UNC13B: variants seen among roughly 807,000 people sequenced by gnomAD.
The protein encoded by UNC13B is unc-13 homolog B.
A neutral mutation model predicts 211.0 loss-of-function variants in UNC13B; 144 were observed. That is an observed-to-expected ratio of 0.68 (90% CI 0.60 to 0.78). The LOEUF (loss-of-function observed/expected upper bound fraction) is 0.78. Ranked by LOEUF, UNC13B falls within the 30% of genes least tolerant of loss-of-function variation. The pLI is 0.00. For missense variants in UNC13B, 1,777 were observed against 2,002.0 expected (o/e 0.89, Z 2.14); for synonymous variants, 709 against 725.8 (o/e 0.98, Z 0.37).
At chr9:35,261,464 A>G (rs189343562) in intron 7 of UNC13B, among the ~76,000 whole-genome samples, 3 of 152,040 alleles carry the variant, frequency 2.0e-5, no homozygotes, top group Non-Finnish European at 4.4e-5. Flanking sequence ...TTTATATTTT[A>G]AAAAATTTTA....
intron 26 of UNC13B, 61 bp from the exon 27 acceptor site, chr9:35,396,415 A>G: frequency 3.1e-6 from 5 of 1,604,106 alleles, no homozygotes; most frequent in Non-Finnish European, 4.3e-6. Flanking sequence ...TGCCTTGGGA[A>G]GGCTCAGGAA....
At chr9:35,223,007 T>A (rs1824645451) in intron 1 of UNC13B, among the ~76,000 whole-genome samples, 1 of 152,234 alleles carries the variant, frequency 6.6e-6, no homozygotes, top group African/African-American at 2.4e-5. Flanking sequence ...GTTCCATCCA[T>A]GTTGCTGCAA....
At chr9:35,220,411 A>T (rs980676456) in intron 1 of UNC13B, among the ~76,000 whole-genome samples, 5 of 151,048 alleles carry the variant, frequency 3.3e-5, no homozygotes, top group African/African-American at 1.2e-4. Context: ...TATACCCATT[A>T]ATCATCCCCA....
chr9:35,183,182 T>C lies in UNC13B; in HGVS notation c.22+20877T>C, dbSNP rs867060101. 3.5e-3 allele frequency among the ~76,000 whole-genome samples: 276 copies of C among 78,784 alleles called. 1 individual carries two copies. The highest frequency in any genetic ancestry group is 0.01 in the African/African-American group (198 of 19,752). The allele number at this position is 78,784 out of a possible 152,430, so 51.7% of individuals were successfully genotyped here. On this transcript the variant is annotated intron_variant, in intron 1 of 39. Transcript: ENST00000635942. Reference sequence around the variant, plus strand: ...CCCAGATGGGGCGGCCGGGCAGAGGTGCTCCTCACCTCCCAGACGATGGGC... The same window carrying C: ...CCCAGATGGGGCGGCCGGGCAGAGGCGCTCCTCACCTCCCAGACGATGGGC...
At chr9:35,350,443 T>A (rs1832645334) in intron 11 of UNC13B, among the ~76,000 whole-genome samples, 1 of 152,152 alleles carries the variant, frequency 6.6e-6, no homozygotes. Context: ...GACAATCACT[T>A]ATTGTGGTGC....
At chr9:35,380,715 AACC>A in intron 18 of UNC13B, 76 bp downstream of exon 18, 2 of 1,577,636 alleles carry the variant, frequency 1.3e-6, no homozygotes, top group Non-Finnish European at 1.7e-6. Context: ...CTTCTACCAA[AACC>A]ACCATCTGTC....
Position 35,184,739 on chromosome 9 carries a change from CGAAAGAAA to C in UNC13B, c.22+22448_22+22455del, listed in dbSNP as rs36190549. The stretch of plus-strand genomic sequence containing the variant: ...AAGAAAGAAAGGGGAGAGAGGGAGA[CGAAAGAAA>C]GAAAGAAAGAAAGGAAGGAAGGAAG... On this transcript the variant is annotated intron_variant, in intron 1 of 39. Transcript: ENST00000635942. Among the ~76,000 whole-genome samples the C allele has an allele frequency of 1.5e-3, 144 of 94,536 alleles. 2 individuals carry two copies. The highest frequency in any genetic ancestry group is 3.8e-3 in the South Asian group (8 of 2,128). The allele number at this position is 94,536 out of a possible 152,430, so 62.0% of individuals were successfully genotyped here.
intron 11 of UNC13B, among the ~76,000 whole-genome samples, chr9:35,339,022 C>G (rs887432562): frequency 1.3e-5 from 2 of 152,152 alleles, no homozygotes; most frequent in African/African-American, 4.8e-5. Flanking sequence ...CATTCGGCTC[C>G]CCTTTAGAAC....
Position 35,305,965 on chromosome 9 carries a change from AG to A in UNC13B, c.6564del (p.Leu2189TyrfsTer53). ...TACCAAGAGCCAAATCTCAGGCAGA[AG>A]GGCTATTCACACTTCCTTCATTTTT... ...TLPRAKSQAEGLFTLPSFFST... is the reference protein window; with the variant it reads ...TLPRAKSQAEXLFTLPSFFST... On this transcript the variant is annotated frameshift_variant, in exon 9 of 40. Transcript: ENST00000635942. LOFTEE classifies it high-confidence loss of function. 1 of 399,042 alleles carries A rather than the reference AG, an allele frequency of 2.5e-6. No individual in the cohort carries two copies. The highest frequency in any genetic ancestry group is 3.6e-5 in the East Asian group (1 of 28,074). The allele number at this position is 399,042 out of a possible 1,614,324, so 24.7% of individuals were successfully genotyped here.
At chr9:35,190,098 C>T (rs185802210) in intron 1 of UNC13B, among the ~76,000 whole-genome samples, 38 of 152,296 alleles carry the variant, frequency 2.5e-4, no homozygotes, top group African/African-American at 7.9e-4. Flanking sequence ...GCAAAATTAA[C>T]GGCGCCATTT....
intron 17 of UNC13B, among the ~76,000 whole-genome samples, chr9:35,379,684 C>G (rs1188420168): frequency 1.3e-5 from 2 of 152,092 alleles, no homozygotes; most frequent in Non-Finnish European, 2.9e-5. Flanking sequence ...ACAGTGTATC[C>G]AAAAATGAAT....
At chr9:35,254,391 G>A (rs917998589) in intron 6 of UNC13B, among the ~76,000 whole-genome samples, 1 of 152,164 alleles carries the variant, frequency 6.6e-6, no homozygotes, top group African/African-American at 2.4e-5. Context: ...GTGTTCTCAT[G>A]TGATGGAAGC....
intron 1 of UNC13B, among the ~76,000 whole-genome samples, chr9:35,190,317 A>G (rs899772117): frequency 2.6e-5 from 4 of 152,160 alleles, no homozygotes; most frequent in Non-Finnish European, 5.9e-5. Flanking sequence ...CTCTGACTCA[A>G]ATGTGCAGAG....
chr9:35,225,131 A>C (rs955908765), intron 1 of UNC13B, among the ~76,000 whole-genome samples: 6 of 152,134 alleles, frequency 3.9e-5, no homozygotes, highest in African/African-American at 1.4e-4. Flanking sequence ...CTGGAAAAAC[A>C]CAAGAACCCA....
chr9:35,261,690 G>C (rs1380388656), intron 7 of UNC13B, among the ~76,000 whole-genome samples: 1 of 151,700 alleles, frequency 6.6e-6, no homozygotes, highest in Non-Finnish European at 1.5e-5. Flanking sequence ...TCACCCTATT[G>C]TGCTAGCAAA....
rs1301699886 is a variant in UNC13B at position 35,398,986 on chromosome 9, A to G, written c.12026A>G (p.Gln4009Arg). 6.2e-7 allele frequency: 1 copy of G among 1,614,198 alleles called. No individual in the cohort carries two copies. The highest frequency in any genetic ancestry group is 8.5e-7 in the Non-Finnish European group (1 of 1,180,014). Reference protein sequence around the residue: ...ASPDARASAAQDADSVLRPLM... With the variant: ...ASPDARASAARDADSVLRPLM... Reference sequence around the variant, plus strand: ...CCAGACGCCAGGGCCTCAGCGGCTCAGGATGCAGATAGCGTACTCCGGCCT... The same window carrying G: ...CCAGACGCCAGGGCCTCAGCGGCTCGGGATGCAGATAGCGTACTCCGGCCT... Residue 4009 changes from glutamine (Q) to arginine (R), a missense_variant, in exon 33 of 40, where the codon CAG (glutamine) becomes CGG (arginine). Coordinates refer to ENST00000635942, the MANE Select transcript of UNC13B (RefSeq NM_001371189.2).
chr9:35,384,306 A>G lies in UNC13B; in HGVS notation c.10867A>G (p.Thr3623Ala). ...CAACTCACTGAGGATCGACCTCTCT[A>G]CATACAGGGTGAGTGAAGACACGGC... ...LHNSLRIDLS[T>A]YRNNFPAGSP... is the part of the protein sequence containing the mutation. Residue 3623 changes from threonine (T) to alanine (A), a missense_variant, in exon 22 of 40, where the codon ACA becomes GCA. Transcript: ENST00000635942. 1 of 1,613,816 alleles carries G rather than the reference A, an allele frequency of 6.2e-7. No homozygotes were observed. The highest frequency in any genetic ancestry group is 1.1e-5 in the South Asian group (1 of 91,048).
chr9:35,283,004 T>C (rs1828592223), intron 7 of UNC13B, among the ~76,000 whole-genome samples: 1 of 152,204 alleles, frequency 6.6e-6, no homozygotes, highest in African/African-American at 2.4e-5. Context: ...GAGTATACTA[T>C]AATTTAAAAT....
At chr9:35,282,641 G>C (rs1486145379) in intron 7 of UNC13B, among the ~76,000 whole-genome samples, 1 of 152,008 alleles carries the variant, frequency 6.6e-6, no homozygotes, top group Non-Finnish European at 1.5e-5. Context: ...CACCATGTTG[G>C]CCAGGCTGGT....
Sources: gnomAD v4.1 joint callset for allele counts (sites outside exome capture counted in the v4.1 genomes callset) on GRCh38, gnomAD v4.1.1 for gene constraint, MANE v1.5 for transcripts, NCBI Gene and HGNC (gene_info 2026-07-23, HGNC 2026-07-21) for gene names.